Variants in MAP2K5 observed in about 807,000 individuals in gnomAD.
MAP2K5 encodes dual specificity mitogen-activated protein kinase kinase 5.
A neutral mutation model predicts 83.1 loss-of-function variants in MAP2K5; 49 were observed. The observed-to-expected ratio is 0.59, with a 90% confidence interval of 0.47 to 0.75. The LOEUF is 0.75. MAP2K5 is among the 30% of genes least tolerant of loss of function. The pLI is 0.00. For synonymous variants in MAP2K5, 202 were observed against 191.8 expected, an observed-to-expected ratio of 1.05 and a Z score of -0.44; for missense variants, 457 against 557.5, an observed-to-expected ratio of 0.82 and a Z score of 1.82.
At chr15:67,705,748 G>C (rs567282552) in intron 16 of MAP2K5, among the ~76,000 whole-genome samples, 2 of 151,440 alleles carry the variant, frequency 1.3e-5, no homozygotes, top group South Asian at 4.2e-4. Flanking sequence ...AAAAAAAAAA[G>C]AAAGAAAGCA....
intron 21 of MAP2K5, among the ~76,000 whole-genome samples, chr15:67,796,301 A>G (rs528831463): frequency 6.6e-6 from 1 of 152,190 alleles, no homozygotes; most frequent in Non-Finnish European, 1.5e-5. Flanking sequence ...ACAAAGAAAC[A>G]CCTGAGACTG....
Position 67,778,903 on chromosome 15 carries a change from C to T in MAP2K5, c.1242+6151C>T, listed in dbSNP as rs1476787092. On this transcript the variant is annotated intron_variant, in intron 21 of 21. Coordinates refer to ENST00000178640, the MANE Select transcript of MAP2K5 (RefSeq NM_145160.3). This position sits in a 1 kb window ranked among gnomAD's most constrained non-coding sequence, Gnocchi z 5.0. ...GCAAAAATCTAAGCTTTTTAAAATA[C>T]TAATGATGGTTAATAAATTGTGAAC... is the stretch of plus-strand genomic sequence containing the variant. Among the ~76,000 whole-genome samples the T allele has an allele frequency of 6.6e-6, 1 of 152,146 alleles. No individual in the cohort carries two copies. The highest frequency in any genetic ancestry group is 1.5e-5 in the Non-Finnish European group (1 of 68,024).
Position 67,652,866 on chromosome 15 carries a change from A to G in MAP2K5, c.737-5687A>G, listed in dbSNP as rs111904051. 0.01 allele frequency among the ~76,000 whole-genome samples: 1,531 copies of G among 152,290 alleles called. 28 individuals are homozygous for G. Among genetic ancestry groups the G allele is most frequent in the African/African-American group, 0.035 (1,469 of 41,556 alleles). Reference sequence around the variant, plus strand: ...TATGTGACTACTCTAGGTACCTCATATAATTGGAATCACACAGTATTTGTC... The same window carrying G: ...TATGTGACTACTCTAGGTACCTCATGTAATTGGAATCACACAGTATTTGTC... On this transcript the variant is annotated intron_variant, in intron 11 of 21. Transcript: ENST00000178640. This position sits in a 1 kb window ranked among gnomAD's most constrained non-coding sequence, Gnocchi z 4.2.
At chr15:67,756,535 G>GTGTA (rs1596919098) in intron 19 of MAP2K5, among the ~76,000 whole-genome samples, 1 of 79,482 alleles carries the variant, frequency 1.3e-5, no homozygotes, top group East Asian at 3.2e-4. Flanking sequence ...GTGTGTGTGT[G>GTGTA]TGTGTGTGTG....
intron 16 of MAP2K5, among the ~76,000 whole-genome samples, chr15:67,706,994 C>T (rs2088570310): frequency 6.6e-6 from 1 of 152,220 alleles, no homozygotes; most frequent in Admixed American, 6.5e-5. Flanking sequence ...CGGCTCACTG[C>T]AACCTCCGCC....
intron 4 of MAP2K5, among the ~76,000 whole-genome samples, chr15:67,583,424 A>G (rs17241403): frequency 0.29 from 44,675 of 152,024 alleles, 8,388 homozygotes; most frequent in Non-Finnish European, 0.43. Context: ...TAGTCTTTCT[A>G]AGCCAAATTT....
rs533130921 is a variant in MAP2K5, at chr15:67,563,419, A to G, written c.252+69A>G. 11 of 1,545,436 alleles carry G rather than the reference A, an allele frequency of 7.1e-6. No homozygotes were observed. The African/African-American group carries it at 1.4e-4, about 19-fold the overall frequency. ...TGATTGAGGATGCTGTTTCTTGGGC[A>G]TAGTGAAGACGAGTAAATAAATCAC... On this transcript the variant is annotated intron_variant, in intron 3 of 21. Transcript: ENST00000178640. The surrounding 1 kb of genome is among the most constrained non-coding windows in gnomAD (Gnocchi z 4.5).
At chr15:67,715,239 G>C (rs867774206) in intron 16 of MAP2K5, among the ~76,000 whole-genome samples, 5 of 151,786 alleles carry the variant, frequency 3.3e-5, no homozygotes, top group African/African-American at 4.9e-5. Context: ...GGCGGGGAGG[G>C]GGGGGGTCTA....
intron 17 of MAP2K5, among the ~76,000 whole-genome samples, chr15:67,730,814 G>A (rs568125172): frequency 4.6e-4 from 70 of 152,318 alleles, no homozygotes; most frequent in African/African-American, 1.6e-3. Context: ...GGCAAATTGA[G>A]AGGAGTGGCC....
intron 16 of MAP2K5, among the ~76,000 whole-genome samples, chr15:67,725,623 T>G (rs1416290812): frequency 2.0e-5 from 3 of 152,372 alleles, no homozygotes; most frequent in African/African-American, 7.2e-5. Flanking sequence ...TAGAATGTTC[T>G]AAGTGCTTTG....
At chr15:67,662,372 G>A (rs1342481513) in intron 12 of MAP2K5, among the ~76,000 whole-genome samples, 2 of 152,010 alleles carry the variant, frequency 1.3e-5, no homozygotes, top group Admixed American at 6.6e-5. Flanking sequence ...ATATGTAAAC[G>A]ACTCATTTAC....
At chr15:67,583,069 T>A (rs998880257) in intron 4 of MAP2K5, among the ~76,000 whole-genome samples, 39 of 152,220 alleles carry the variant, frequency 2.6e-4, no homozygotes, top group African/African-American at 9.2e-4. Context: ...TCATCATCTG[T>A]AATCCTCCTG....
intron 15 of MAP2K5, among the ~76,000 whole-genome samples, chr15:67,693,969 T>A (rs534488368): frequency 3.1e-4 from 47 of 152,242 alleles, no homozygotes; most frequent in African/African-American, 1.1e-3. Flanking sequence ...CAGATCAAAA[T>A]TAAATTACTG....
Position 67,748,733 on chromosome 15 carries a change from T to G in MAP2K5, c.1134+132T>G. On this transcript the variant is annotated intron_variant, in intron 19 of 21. Transcript: ENST00000178640. The surrounding 1 kb of genome is among the most constrained non-coding windows in gnomAD (Gnocchi z 4.0). Reference sequence around the variant, plus strand: ...AGTTGTGTTGTATGGCTCTGAGCTATGTTACGTGAACTGGCCTTGTCCTGA... The same window carrying G: ...AGTTGTGTTGTATGGCTCTGAGCTAGGTTACGTGAACTGGCCTTGTCCTGA... The G allele has an allele frequency of 2.7e-6, 2 of 729,580 alleles. No individual in the cohort carries two copies. Among genetic ancestry groups the G allele is most frequent in the Non-Finnish European group, 4.5e-6 (2 of 442,460 alleles). The allele number at this position is 729,580 out of a possible 1,614,324, so 45.2% of individuals were successfully genotyped here. A position where few individuals can be genotyped will look rare whatever the true frequency, so the allele number is the denominator to read the frequency against.
chr15:67,762,565 C>CAA (rs5813455), intron 19 of MAP2K5, among the ~76,000 whole-genome samples: 5 of 119,906 alleles, frequency 4.2e-5, no homozygotes, highest in African/African-American at 9.3e-5. Context: ...AAATGACAGA[C>CAA]AAAAAAAAAA....
chr15:67,596,675 C>T (rs2085533856), intron 7 of MAP2K5, among the ~76,000 whole-genome samples: 1 of 152,154 alleles, frequency 6.6e-6, no homozygotes, highest in African/African-American at 2.4e-5. Context: ...TTGTTGCTGT[C>T]TCTGTTTCTT....
rs1400224464 is a variant in MAP2K5, at chr15:67,748,490, A to G, written c.1102-79A>G. ...TAATCTTGCTATATTTTATTGCATT[A>G]ATGATTTTTTCTTTCCACTCCACTG... On this transcript the variant is annotated intron_variant, in intron 18 of 21. Coordinates refer to ENST00000178640, the MANE Select transcript of MAP2K5 (RefSeq NM_145160.3). This position sits in a 1 kb window ranked among gnomAD's most constrained non-coding sequence, Gnocchi z 4.0. 8.1e-7 allele frequency: 1 copy of G among 1,228,582 alleles called. No individual in the cohort carries two copies. The highest frequency in any genetic ancestry group is 1.2e-6 in the Non-Finnish European group (1 of 845,854). 76.1% of individuals were successfully genotyped at this position (1,228,582 alleles called of 1,614,324 possible). A position where few individuals can be genotyped will look rare whatever the true frequency, so the allele number is the denominator to read the frequency against.
intron 1 of MAP2K5, among the ~76,000 whole-genome samples, chr15:67,544,081 G>C (rs1443713131): frequency 6.6e-6 from 1 of 152,200 alleles, no homozygotes; most frequent in Admixed American, 6.5e-5. Flanking sequence ...TTTGTATCTT[G>C]TAGAGACGAG....
intron 19 of MAP2K5, among the ~76,000 whole-genome samples, chr15:67,756,312 G>A (rs977611978): frequency 6.6e-6 from 1 of 152,160 alleles, no homozygotes; most frequent in African/African-American, 2.4e-5. Flanking sequence ...AAAGAAATAA[G>A]AGACAAAGTA....
Sources: gnomAD v4.1 joint callset for allele counts (sites outside exome capture counted in the v4.1 genomes callset) on GRCh38, gnomAD v4.1.1 for gene constraint, Gnocchi (gnomAD v3.1) non-coding constraint, MANE v1.5 for transcripts, NCBI Gene and HGNC (gene_info 2026-07-23, HGNC 2026-07-21) for gene names.